PPP6R3: variants seen among roughly 807,000 people sequenced by gnomAD.
PPP6R3 encodes the protein protein phosphatase 6 regulatory subunit 3.
PPP6R3 carries 38 observed loss-of-function variants against 110.7 expected under a neutral mutation model. The observed-to-expected ratio is 0.34, with a 90% CI of 0.26 to 0.45. PPP6R3 has a LOEUF of 0.45. Among genes scored for constraint, PPP6R3 ranks in the 20% least tolerant of loss-of-function variants. The pLI is 1.00. For synonymous variants in PPP6R3, 369 were observed against 373.5 expected (o/e 0.99, Z 0.14); for missense variants, 870 against 1,062.4 (o/e 0.82, Z 2.52).
chr11:68,566,424 A>G (rs1006733697), intron 9 of PPP6R3, among the ~76,000 whole-genome samples: 10 of 151,998 alleles, frequency 6.6e-5, no homozygotes, highest in African/African-American at 2.4e-4. Context: ...CAATGGCACA[A>G]TCACAGCTCA....
At chr11:68,584,837 A>G (rs2099573201) in intron 15 of PPP6R3, among the ~76,000 whole-genome samples, 2 of 152,256 alleles carry the variant, frequency 1.3e-5, no homozygotes, top group Non-Finnish European at 2.9e-5. Flanking sequence ...CTGATTGACA[A>G]GCTTCCAGTA....
intron 14 of PPP6R3, among the ~76,000 whole-genome samples, chr11:68,579,042 G>A (rs56014941): frequency 0.03 from 4,524 of 152,296 alleles, 251 homozygotes; most frequent in African/African-American, 0.1. Flanking sequence ...ATTTAAAATT[G>A]TTGATGCTTC....
intron 1 of PPP6R3, among the ~76,000 whole-genome samples, chr11:68,514,384 T>A (rs934698867): frequency 6.6e-6 from 1 of 151,692 alleles, no homozygotes; most frequent in African/African-American, 2.4e-5. Context: ...CATTTATGCA[T>A]TTTGCTTTTT....
At chr11:68,551,482 T>TCCTTTTTACTTTTTTTTTC (rs1265121016) in intron 6 of PPP6R3, among the ~76,000 whole-genome samples, 1 of 152,114 alleles carries the variant, frequency 6.6e-6, no homozygotes, top group Non-Finnish European at 1.5e-5. Context: ...TTGTTTATGC[T>TCCTTTTTACTTTTTTTTTC]CCTTTTTACT....
At chr11:68,484,179 C>T (rs1258279447) in intron 1 of PPP6R3, among the ~76,000 whole-genome samples, 1 of 152,188 alleles carries the variant, frequency 6.6e-6, no homozygotes, top group African/African-American at 2.4e-5. Flanking sequence ...CTGTAAATAT[C>T]CGTGTGCAGG....
intron 1 of PPP6R3, among the ~76,000 whole-genome samples, chr11:68,476,235 C>A (rs932133974): frequency 6.6e-6 from 1 of 152,186 alleles, no homozygotes; most frequent in Non-Finnish European, 1.5e-5. Context: ...CCGAGGCTGG[C>A]GGATCACTCG....
At chr11:68,501,134 C>G (rs2099046735) in intron 1 of PPP6R3, among the ~76,000 whole-genome samples, 1 of 152,164 alleles carries the variant, frequency 6.6e-6, no homozygotes, top group Non-Finnish European at 1.5e-5. Flanking sequence ...CTTTCCTTCT[C>G]TTGTTGCCAG....
chr11:68,469,736 TC>T lies in PPP6R3; in HGVS notation c.-158+8910del, dbSNP rs144333908. Among the ~76,000 whole-genome samples, 304 of 152,196 alleles carry T rather than the reference TC, an allele frequency of 2.0e-3. 1 individual carries two copies. Among genetic ancestry groups the T allele is most frequent in the African/African-American group, 6.9e-3 (288 of 41,524 alleles). Reference sequence around the variant, plus strand: ...GGACTATGAATTCAAAGAGTATATATCAGCATGTGCCCAGATATTAAACATT... The same window carrying T: ...GGACTATGAATTCAAAGAGTATATATAGCATGTGCCCAGATATTAAACATT... On this transcript the variant is annotated intron_variant, in intron 1 of 23. Transcript: ENST00000393800.
chr11:68,570,936 C>T (rs2099501959), intron 11 of PPP6R3, 104 bp from the exon 12 acceptor site: 24 of 1,381,618 alleles, frequency 1.7e-5, no homozygotes, highest in Non-Finnish European at 2.3e-5. Flanking sequence ...ATTTAGCTTG[C>T]TAGATTATGC....
At chr11:68,497,435 C>A (rs1426801069) in intron 1 of PPP6R3, among the ~76,000 whole-genome samples, 1 of 152,030 alleles carries the variant, frequency 6.6e-6, no homozygotes, top group Non-Finnish European at 1.5e-5. Flanking sequence ...TCACTGCAGC[C>A]TCGACTTCGT....
chr11:68,476,342 A>C (rs1411706678), intron 1 of PPP6R3, among the ~76,000 whole-genome samples: 1 of 152,066 alleles, frequency 6.6e-6, no homozygotes, highest in East Asian at 1.9e-4. Flanking sequence ...GCACGCCTGC[A>C]ATCGCAGGCA....
At chr11:68,512,331 A>C (rs1409614527) in intron 1 of PPP6R3, among the ~76,000 whole-genome samples, 9 of 152,166 alleles carry the variant, frequency 5.9e-5, no homozygotes, top group Non-Finnish European at 1.2e-4. Context: ...CTCTTCTCAC[A>C]TGTGGTGCCA....
intron 2 of PPP6R3, among the ~76,000 whole-genome samples, chr11:68,533,476 G>T (rs1481006650): frequency 6.6e-6 from 1 of 152,066 alleles, no homozygotes. Context: ...ACTTTGAGAG[G>T]CAGAGGTGGT....
chr11:68,557,948 G>T (rs1284028311), intron 7 of PPP6R3, among the ~76,000 whole-genome samples: 3 of 152,226 alleles, frequency 2.0e-5, no homozygotes, highest in Non-Finnish European at 2.9e-5. Context: ...TATGAGAGAA[G>T]TGTAATGGAA....
At chr11:68,476,076 G>A (rs1307927945) in intron 1 of PPP6R3, among the ~76,000 whole-genome samples, 2 of 152,100 alleles carry the variant, frequency 1.3e-5, no homozygotes, top group Non-Finnish European at 2.9e-5. Flanking sequence ...CCGGGCAGAG[G>A]CTGCAATCTC....
At chr11:68,597,348 T>G (rs2099616961) in intron 19 of PPP6R3, among the ~76,000 whole-genome samples, 1 of 152,174 alleles carries the variant, frequency 6.6e-6, no homozygotes, top group Non-Finnish European at 1.5e-5. Flanking sequence ...CGTGCTGTTT[T>G]GCATGGCTCG....
chr11:68,484,817 C>T (rs1288818319), intron 1 of PPP6R3, among the ~76,000 whole-genome samples: 1 of 152,068 alleles, frequency 6.6e-6, no homozygotes, highest in African/African-American at 2.4e-5. Context: ...AAACTCCTGA[C>T]CTCAGGTGGT....
At chr11:68,512,544 A>T (rs901077004) in intron 1 of PPP6R3, among the ~76,000 whole-genome samples, 2 of 152,238 alleles carry the variant, frequency 1.3e-5, no homozygotes, top group Non-Finnish European at 2.9e-5. Context: ...TGTGCGTAGG[A>T]TAGTTGCATC....
chr11:68,506,841 A>T (rs2099081017), intron 1 of PPP6R3, among the ~76,000 whole-genome samples: 1 of 152,300 alleles, frequency 6.6e-6, no homozygotes, highest in Admixed American at 6.5e-5. Context: ...ACTATGGATT[A>T]TGGAAGTTTC....
Sources: allele counts gnomAD v4.1 joint callset (sites outside exome capture counted in the v4.1 genomes callset), GRCh38; gene constraint gnomAD v4.1.1; transcripts MANE v1.5; gene names NCBI Gene and HGNC (gene_info 2026-07-23, HGNC 2026-07-21).